CNKSR3: variants seen among roughly 807,000 people sequenced by gnomAD.
CNKSR3 encodes the protein CNKSR family member 3, also known as connector enhancer of kinase suppressor of ras 3.
CNKSR3 carries 36 observed loss-of-function variants against 67.7 expected under a neutral mutation model. The observed-to-expected ratio is 0.53, with a 90% CI of 0.41 to 0.70. The LOEUF is 0.70. CNKSR3 is among the 30% of genes least tolerant of loss of function. CNKSR3 has a pLI of 0.00. For synonymous variants in CNKSR3, 281 were observed against 271.4 expected (o/e 1.04, Z -0.35); for missense variants, 630 against 695.2 (o/e 0.91, Z 1.05).
At chr6:154,490,463 A>G (rs1572662) in intron 1 of CNKSR3, among the ~76,000 whole-genome samples, 101,999 of 152,164 alleles carry the variant, frequency 0.67, 34,695 homozygotes, top group African/African-American at 0.76. Flanking sequence ...ATATGTATCC[A>G]TGTATTGTGT....
intron 1 of CNKSR3, among the ~76,000 whole-genome samples, chr6:154,454,335 A>G (rs2128719832): frequency 6.6e-6 from 1 of 152,308 alleles, no homozygotes; most frequent in Middle Eastern, 3.4e-3. Context: ...TACTCTGTAA[A>G]TTTAGTTAAA....
intron 12 of CNKSR3, 66 bp from the exon 13 acceptor site, chr6:154,406,718 T>A: frequency 1.4e-6 from 2 of 1,436,756 alleles, no homozygotes; most frequent in Middle Eastern, 3.9e-4. Context: ...ACCTGTAATC[T>A]CCGCACTTTG....
rs1449864897 is a variant in CNKSR3, at chr6:154,403,590, G to A, written c.*2764C>T. On this transcript the variant is annotated 3_prime_UTR_variant, in exon 13 of 13. Transcript: ENST00000607772. Reference sequence around the variant, plus strand: ...CTATTATTTATGTATGTCCATAGTAGAGGTTTACAAAGGTTTTTTTTTTTT... The same window carrying A: ...CTATTATTTATGTATGTCCATAGTAAAGGTTTACAAAGGTTTTTTTTTTTT... 2 of 151,568 alleles carry A rather than the reference G, an allele frequency of 1.3e-5. No individual in the cohort carries two copies. The highest frequency in any genetic ancestry group is 2.9e-5 in the Non-Finnish European group (2 of 67,964). The allele number at this position is 151,568 out of a possible 1,614,324, so 9.4% of individuals were successfully genotyped here. A position where few individuals can be genotyped will look rare whatever the true frequency, so the allele number is the denominator to read the frequency against.
intron 2 of CNKSR3, among the ~76,000 whole-genome samples, 190 bp from the exon 3 acceptor site, chr6:154,442,480 G>A (rs920288614): frequency 2.6e-5 from 4 of 152,076 alleles, no homozygotes; most frequent in African/African-American, 9.7e-5. Flanking sequence ...AAATTAGCCG[G>A]GCGTGGTGGC....
rs137901281 is a variant in CNKSR3 at position 154,421,588 on chromosome 6, G to A, written c.945+918C>T. On this transcript the variant is annotated intron_variant, in intron 9 of 12. Transcript: ENST00000607772. ...AGTGAGTGTGATCCACCCAGGTGTC[G>A]GCAATAAGAGGGTATATCGTTTGAA... Among the ~76,000 whole-genome samples, 54 of 152,236 alleles carry A rather than the reference G, an allele frequency of 3.5e-4. 1 individual carries two copies. Among genetic ancestry groups the A allele is most frequent in the Admixed American group, 1.5e-3 (23 of 15,286 alleles).
chr6:154,442,055 T>C, intron 3 of CNKSR3, 33 bp downstream of exon 3: 1 of 1,561,108 alleles, frequency 6.4e-7, no homozygotes, highest in Non-Finnish European at 8.7e-7. Context: ...TATCTACTCT[T>C]GCAGGGCAGT....
rs148999206 is a variant in CNKSR3 at position 154,468,246 on chromosome 6, A to C, written c.53-17988T>G. Among the ~76,000 whole-genome samples, 1,044 of 151,116 alleles carry C rather than the reference A, an allele frequency of 6.9e-3. 20 individuals carry two copies. Among genetic ancestry groups the C allele is most frequent in the African/African-American group, 0.024 (995 of 41,102 alleles). On this transcript the variant is annotated intron_variant, in intron 1 of 12. Transcript: ENST00000607772. ...AAGCAGGCACCACCACACCCAGCTAATTTTTGTACTTTTAGTAGAAATGAG... is the reference window on the plus strand; with the variant it reads ...AAGCAGGCACCACCACACCCAGCTACTTTTTGTACTTTTAGTAGAAATGAG...
intron 1 of CNKSR3, among the ~76,000 whole-genome samples, chr6:154,483,966 G>A (rs780798533): frequency 1.3e-5 from 2 of 152,126 alleles, no homozygotes; most frequent in Non-Finnish European, 2.9e-5. Context: ...CATTATTGCT[G>A]GTGGATGGGA....
At chr6:154,452,058 A>G (rs574388432) in intron 1 of CNKSR3, among the ~76,000 whole-genome samples, 1 of 152,314 alleles carries the variant, frequency 6.6e-6, no homozygotes, top group South Asian at 2.1e-4. Context: ...CTCAGAGTCA[A>G]TCGTCTGCGG....
At chr6:154,476,638 A>G (rs974730170) in intron 1 of CNKSR3, among the ~76,000 whole-genome samples, 2 of 152,140 alleles carry the variant, frequency 1.3e-5, no homozygotes, top group African/African-American at 4.8e-5. Flanking sequence ...AGTAACTTAG[A>G]AAACATGGCA....
At chr6:154,472,586 G>A (rs1786353974) in intron 1 of CNKSR3, among the ~76,000 whole-genome samples, 1 of 152,008 alleles carries the variant, frequency 6.6e-6, no homozygotes, top group African/African-American at 2.4e-5. Flanking sequence ...GCTGGTGTCT[G>A]TCTCCCAACA....
intron 1 of CNKSR3, among the ~76,000 whole-genome samples, chr6:154,462,263 A>G (rs978480715): frequency 7.2e-6 from 1 of 139,172 alleles, no homozygotes; most frequent in South Asian, 2.7e-4. Context: ...ATAACGTTGT[A>G]TAAGTTCCCC....
At chr6:154,410,465 T>G in intron 11 of CNKSR3, 33 bp from the exon 12 acceptor site, 1 of 1,477,162 alleles carries the variant, frequency 6.8e-7, no homozygotes, top group Non-Finnish European at 9.5e-7. Context: ...GTGACAAGTT[T>G]GATGAGTTCT....
Position 154,397,367 on chromosome 6 carries a change from A to G in CNKSR3, c.*8987T>C, listed in dbSNP as rs1270431140. On this transcript the variant is annotated 3_prime_UTR_variant, in exon 13 of 13. Coordinates refer to ENST00000607772, the MANE Select transcript of CNKSR3 (RefSeq NM_173515.4). ...AAACAAAAGGAGAAGCAAAACCCTG[A>G]AAGATCTTGGTTTAATTCTTTTCTT... 1 of 152,218 alleles carries G rather than the reference A, an allele frequency of 6.6e-6. No individual in the cohort carries two copies. The highest frequency in any genetic ancestry group is 6.5e-5 in the Admixed American group (1 of 15,282). The allele number at this position is 152,218 out of a possible 1,614,324, so 9.4% of individuals were successfully genotyped here.
chr6:154,430,472 C>T lies in CNKSR3; in HGVS notation c.669G>A (p.Leu223=), dbSNP rs759322072. Reference sequence around the variant, plus strand: ...TAAAACAAGTGTTATTAGAACTTACCAGGCCTTCCCCAGGTTTAATGTTTG... The same window carrying T: ...TAAAACAAGTGTTATTAGAACTTACTAGGCCTTCCCCAGGTTTAATGTTTG... ...HLPNIKPGEG[L]GMYIKSTYDG... is the part of the protein sequence containing the mutation. Residue 223 remains leucine (L), a splice_region_variant and synonymous_variant, in exon 6 of 13, where the codon CTG becomes CTA. Transcript: ENST00000607772. The T allele has an allele frequency of 1.0e-5, 16 of 1,605,480 alleles. No individual in the cohort carries two copies. Among genetic ancestry groups the T allele is most frequent in the Non-Finnish European group, 5.9e-6 (7 of 1,177,286 alleles).
In CNKSR3 at chr6:154,395,277, T is replaced by G. The variant is rs988317720; in HGVS notation, c.*11077A>C. 6.6e-6 allele frequency: 1 copy of G among 151,878 alleles called. No individual in the cohort carries two copies. The highest frequency in any genetic ancestry group is 2.4e-5 in the African/African-American group (1 of 41,374). 9.4% of individuals were successfully genotyped at this position (151,878 alleles called of 1,614,324 possible). Reference sequence around the variant, plus strand: ...ATGTTTCCAGTTAATTCTACAAGAGTGCTTTTGAAAAAAGTACTCCAAAGA... The same window carrying G: ...ATGTTTCCAGTTAATTCTACAAGAGGGCTTTTGAAAAAAGTACTCCAAAGA... On this transcript the variant is annotated 3_prime_UTR_variant, in exon 13 of 13. Coordinates refer to ENST00000607772, the MANE Select transcript of CNKSR3 (RefSeq NM_173515.4).
At chr6:154,482,651 C>G (rs1786588280) in intron 1 of CNKSR3, among the ~76,000 whole-genome samples, 1 of 152,078 alleles carries the variant, frequency 6.6e-6, no homozygotes, top group South Asian at 2.1e-4. Context: ...AACATGTATG[C>G]AAATGTCTAG....
intron 7 of CNKSR3, among the ~76,000 whole-genome samples, chr6:154,425,217 A>T (rs1032701258): frequency 4.6e-5 from 7 of 152,212 alleles, no homozygotes; most frequent in Admixed American, 1.3e-4. Context: ...TTCCTGGGCA[A>T]AGGATTCATT....
At chr6:154,489,625 C>T (rs907871055) in intron 1 of CNKSR3, among the ~76,000 whole-genome samples, 2 of 152,080 alleles carry the variant, frequency 1.3e-5, no homozygotes, top group Admixed American at 1.3e-4. Context: ...ACACTGAAAT[C>T]GGGGGATGAG....
Sources: allele counts gnomAD v4.1 joint callset (sites outside exome capture counted in the v4.1 genomes callset), GRCh38; gene constraint gnomAD v4.1.1; transcripts MANE v1.5; gene names NCBI Gene and HGNC (gene_info 2026-07-23, HGNC 2026-07-21).